The following GNL3L variants were observed in gnomAD, a reference collection of about 807,000 sequenced individuals.
GNL3L encodes the protein G protein nucleolar 3 like, also known as guanine nucleotide-binding protein-like 3-like protein.
GNL3L carries 4 observed loss-of-function variants against 42.9 expected under a neutral mutation model. The ratio of observed to expected loss-of-function variants is 0.09; its 90% CI spans 0.05 to 0.21. The LOEUF (loss-of-function observed/expected upper bound fraction) is 0.21. GNL3L is among the 10% of genes least tolerant of loss of function. The pLI is 1.00. For synonymous variants in GNL3L, 159 were observed against 176.3 expected (o/e 0.90, Z 0.78); for missense variants, 412 against 481.7 (o/e 0.86, Z 1.36).
chrX:54,644,413 A>G, the GNL3L span, among the ~76,000 whole-genome samples: 1 of 112,210 alleles, frequency 8.9e-6, no homozygotes, highest in African/African-American at 3.2e-5. Context: ...TTTACAGTTA[A>G]ATCTTTGATC....
chrX:54,586,301 C>T (rs1456880104), intron 16 of GNL3L, among the ~76,000 whole-genome samples: 1 of 110,903 alleles, frequency 9.0e-6, no homozygotes, highest in Admixed American at 9.6e-5. Flanking sequence ...CTGAGACTAA[C>T]ATAGGGAGCT....
rs2147505084 is a variant in GNL3L, at chrX:54,567,015, A to C, written c.*6413A>C. 8.9e-6 allele frequency among the ~76,000 whole-genome samples: 1 copy of C among 112,116 alleles called. No individual in the cohort carries two copies. The highest frequency in any genetic ancestry group is 3.2e-5 in the African/African-American group (1 of 30,934). ...GAGTCTTTGCTTAACATGAGATGAC[A>C]AAGGTTTTCTCCCATGTTTCCTCCT... On this transcript the variant is annotated 3_prime_UTR_variant, in exon 16 of 16. Coordinates refer to ENST00000360845, the MANE Select transcript of GNL3L (RefSeq NM_001184819.2).
intron 16 of GNL3L, among the ~76,000 whole-genome samples, chrX:54,600,288 G>A (rs1326071055): frequency 1.1e-5 from 1 of 92,575 alleles, no homozygotes; most frequent in Non-Finnish European, 2.1e-5. Context: ...GTGCAGTGGC[G>A]TGATCTTGGC....
intron 16 of GNL3L, among the ~76,000 whole-genome samples, chrX:54,578,014 A>G (rs1445451261): frequency 8.9e-6 from 1 of 111,947 alleles, no homozygotes; most frequent in Non-Finnish European, 1.9e-5. Context: ...AAGTGCCAGG[A>G]TTACAGGTGT....
intron 14 of GNL3L, among the ~76,000 whole-genome samples, chrX:54,556,747 C>T (rs945325748): frequency 9.0e-6 from 1 of 111,521 alleles, no homozygotes; most frequent in Non-Finnish European, 1.9e-5. Context: ...CAGGAATGAC[C>T]CCTCCCCATC....
At chrX:54,625,624 T>A (rs1348587156), downstream of GNL3L, among the ~76,000 whole-genome samples, 1 of 111,054 alleles carries the variant, frequency 9.0e-6, no homozygotes, top group Non-Finnish European at 1.9e-5. Context: ...TGGTCGGTAA[T>A]ATTCTTTTTT....
chrX:54,600,942 A>G (rs1000383634), intron 16 of GNL3L, among the ~76,000 whole-genome samples: 7 of 112,369 alleles, frequency 6.2e-5, no homozygotes, highest in Non-Finnish European at 3.8e-5. Context: ...TAAAAAGTGA[A>G]ACAATTTAGT....
At chrX:54,539,263 C>T (rs745891720) in intron 3 of GNL3L, among the ~76,000 whole-genome samples, 162 bp downstream of exon 3, 9 of 111,277 alleles carry the variant, frequency 8.1e-5, no homozygotes, top group Non-Finnish European at 1.7e-4. Context: ...AGCAGAGAAT[C>T]AGCAGCATTT....
At chrX:54,627,236 T>TG in the GNL3L span, among the ~76,000 whole-genome samples, 2 of 111,865 alleles carry the variant, frequency 1.8e-5, no homozygotes, top group Admixed American at 1.9e-4. Context: ...CTCGAACTCC[T>TG]GACCTCAAGT....
chrX:54,589,021 T>G lies in GNL3L; in HGVS notation c.*45+28374T>G, dbSNP rs1157291689. The stretch of plus-strand genomic sequence containing the variant: ...TTTTGATACTGATTTTTTCTTTTTT[T>G]AATTTAAAAAATTTTTGTGCGTACA... On this transcript the variant is annotated intron_variant, in intron 16 of 16. Coordinates refer to the GNL3L transcript ENST00000674498. 8.0e-4 allele frequency among the ~76,000 whole-genome samples: 90 copies of G among 111,802 alleles called. 1 individual carries two copies. The Admixed American group carries it at 8.6e-3, about 11-fold the overall frequency.
the GNL3L span, among the ~76,000 whole-genome samples, chrX:54,630,617 G>GT: frequency 9.2e-6 from 1 of 108,997 alleles, no homozygotes; most frequent in African/African-American, 3.4e-5. Context: ...GTCTGAGAGA[G>GT]TACTTGGTAT....
intron 16 of GNL3L, among the ~76,000 whole-genome samples, chrX:54,607,038 TTCTTTCTTTCTTTC>T (rs1465892431): frequency 1.4e-5 from 1 of 70,505 alleles, no homozygotes; most frequent in East Asian, 4.1e-4. Context: ...CTTTCTTTCT[TTCTTTCTTTCTTTC>T]TTTCTTTCTT....
At chrX:54,578,761 T>G (rs1360473411) in intron 16 of GNL3L, among the ~76,000 whole-genome samples, 1 of 112,441 alleles carries the variant, frequency 8.9e-6, no homozygotes, top group Non-Finnish European at 1.9e-5. Flanking sequence ...TAACCTAAGT[T>G]TTTATTCCAT....
chrX:54,636,880 A>G, the GNL3L span, among the ~76,000 whole-genome samples: 5 of 111,939 alleles, frequency 4.5e-5, no homozygotes, highest in South Asian at 1.5e-3. Context: ...TCCTTTGGGT[A>G]TATGAGACTT....
rs186697251 is a variant in GNL3L, at chrX:54,586,748, T to C, written c.*45+26101T>C. The stretch of plus-strand genomic sequence containing the variant: ...ACCACAGACAGCATCTATAGCACCA[T>C]TGAGGTGCCTGAGGGCTCAGCTCAG... On this transcript the variant is annotated intron_variant, in intron 16 of 16. Transcript: ENST00000674498. 2.8e-3 allele frequency among the ~76,000 whole-genome samples: 314 copies of C among 112,009 alleles called. 3 individuals carry two copies. Among genetic ancestry groups the C allele is most frequent in the Non-Finnish European group, 5.3e-3 (283 of 53,141 alleles).
In GNL3L at chrX:54,560,536, G is replaced by C; in HGVS notation, c.1683G>C (p.Lys561Asn). The C allele has an allele frequency of 8.5e-7, 1 of 1,171,341 alleles. No homozygotes were observed. Among genetic ancestry groups the C allele is most frequent in the Non-Finnish European group, 1.2e-6 (1 of 858,920 alleles). Residue 561 changes from lysine to asparagine, a missense_variant, in exon 16 of 16, where the codon AAG becomes AAC. Coordinates refer to ENST00000360845, the MANE Select transcript of GNL3L (RefSeq NM_001184819.2). ...MQKRADKIAS[K>N]LSDSMMSALD... ...CATTTGCAGATAAAATCGCCAGCAA[G>C]CTGTCTGATTCCATGATGTCTGCTC...
rs1304830639 is a variant in GNL3L at position 54,530,376 on chromosome X, A to G, written c.-91A>G. ...GACGGCCGGGCAGTTAGGATCGTCT[A>G]TTGGATGTGAAACCAGAGATGCCCG... On this transcript the variant is annotated 5_prime_UTR_variant, in exon 1 of 16. Transcript: ENST00000360845. 3.6e-5 allele frequency: 4 copies of G among 111,208 alleles called. No individual in the cohort carries two copies. The highest frequency in any genetic ancestry group is 2.9e-4 in the Admixed American group (3 of 10,407). The allele number at this position is 111,208 out of a possible 1,213,427, so 9.2% of individuals were successfully genotyped here.
chrX:54,630,715 T>G, the GNL3L span, among the ~76,000 whole-genome samples: 2 of 75,077 alleles, frequency 2.7e-5, no homozygotes, highest in African/African-American at 1.7e-4. Context: ...TCTTTTTCTT[T>G]CTTTCTTTCT....
chrX:54,616,320 A>C (rs920436848), intron 16 of GNL3L, among the ~76,000 whole-genome samples: 1 of 112,899 alleles, frequency 8.9e-6, no homozygotes, highest in African/African-American at 3.2e-5. Flanking sequence ...TAAAAATTGC[A>C]TACCTTTCTG....
Sources: allele counts gnomAD v4.1 joint callset (sites outside exome capture counted in the v4.1 genomes callset), GRCh38; gene constraint gnomAD v4.1.1; transcripts MANE v1.5; gene names NCBI Gene and HGNC (gene_info 2026-07-23, HGNC 2026-07-21).